SDK1: variants seen among roughly 807,000 people sequenced by gnomAD.
The protein encoded by SDK1 is protein sidekick-1.
A neutral mutation model predicts 245.5 loss-of-function variants in SDK1; 157 were observed. That is an observed-to-expected ratio of 0.64 (90% CI 0.56 to 0.73). The LOEUF (loss-of-function observed/expected upper bound fraction) is 0.73. Ranked by LOEUF, SDK1 falls within the 30% of genes least tolerant of loss-of-function variation. SDK1 has a pLI of 0.00. For missense variants in SDK1, 3,583 were observed against 3,002.3 expected (o/e 1.19, Z -4.52); for synonymous variants, 1,647 against 1,278.5 (o/e 1.29, Z -6.15).
chr7:4,084,456 C>G (rs1781293428), intron 22 of SDK1, among the ~76,000 whole-genome samples: 1 of 152,196 alleles, frequency 6.6e-6, no homozygotes, highest in South Asian at 2.1e-4. Context: ...CTGCCTCAAG[C>G]TGAGATGGAG....
At chr7:3,848,839 T>G (rs967614808) in intron 5 of SDK1, among the ~76,000 whole-genome samples, 2 of 151,944 alleles carry the variant, frequency 1.3e-5, no homozygotes, top group Non-Finnish European at 2.9e-5. Flanking sequence ...GCCTAGCAAA[T>G]TTTTGTATTT....
intron 14 of SDK1, among the ~76,000 whole-genome samples, chr7:3,992,064 GAC>G (rs1784370275): frequency 2.6e-5 from 4 of 152,218 alleles, no homozygotes; most frequent in Admixed American, 2.6e-4. Context: ...CTACTTGGGA[GAC>G]ACTCCACAGC....
intron 5 of SDK1, among the ~76,000 whole-genome samples, chr7:3,906,041 C>A (rs1399205584): frequency 4.6e-5 from 7 of 152,110 alleles, no homozygotes; most frequent in Admixed American, 2.6e-4. Context: ...GCCTTATTTT[C>A]TCTTCCCATT....
intron 4 of SDK1, among the ~76,000 whole-genome samples, chr7:3,654,380 C>T (rs1236920097): frequency 6.6e-6 from 1 of 152,184 alleles, no homozygotes; most frequent in Admixed American, 6.5e-5. Context: ...GATGAGCTCC[C>T]TGTCACCGCG....
At chr7:4,181,707 G>C (rs937449297) in intron 35 of SDK1, among the ~76,000 whole-genome samples, 2 of 152,202 alleles carry the variant, frequency 1.3e-5, no homozygotes, top group East Asian at 3.9e-4. Context: ...TCCCACAGAA[G>C]GGAAAGGAAA....
At chr7:3,379,067 G>C (rs1469842698) in intron 1 of SDK1, among the ~76,000 whole-genome samples, 1 of 152,132 alleles carries the variant, frequency 6.6e-6, no homozygotes, top group Non-Finnish European at 1.5e-5. Flanking sequence ...ATGGGATTAT[G>C]CTGAGCTTCT....
At chr7:3,306,646 G>T (rs1779423845) in intron 1 of SDK1, among the ~76,000 whole-genome samples, 1 of 152,194 alleles carries the variant, frequency 6.6e-6, no homozygotes, top group Non-Finnish European at 1.5e-5. Context: ...GTGGAAGGCT[G>T]CAAGTTAAGT....
chr7:3,504,467 A>C (rs1204499695), intron 1 of SDK1, among the ~76,000 whole-genome samples: 10 of 152,100 alleles, frequency 6.6e-5, no homozygotes, highest in Non-Finnish European at 4.4e-5. Context: ...AGAAAGACAT[A>C]TATGTTGGTG....
intron 1 of SDK1, among the ~76,000 whole-genome samples, chr7:3,322,556 C>G (rs1302887323): frequency 2.0e-5 from 3 of 152,148 alleles, no homozygotes; most frequent in Non-Finnish European, 4.4e-5. Context: ...CCACCAAACT[C>G]TCTCCCACAG....
intron 44 of SDK1, among the ~76,000 whole-genome samples, chr7:4,262,018 C>CTTTTTTTTTT (rs34610558): frequency 5.1e-5 from 3 of 59,254 alleles, no homozygotes; most frequent in African/African-American, 1.9e-4. Flanking sequence ...CTGCTTTCTC[C>CTTTTTTTTTT]TTTTTTTTTT....
intron 28 of SDK1, among the ~76,000 whole-genome samples, chr7:4,141,277 G>T (rs1779568131): frequency 6.6e-6 from 1 of 152,148 alleles, no homozygotes. Flanking sequence ...AGAAAGGAGG[G>T]TCTGTAAGCA....
intron 5 of SDK1, among the ~76,000 whole-genome samples, chr7:3,847,216 C>G (rs182751316): frequency 6.6e-6 from 1 of 152,208 alleles, no homozygotes; most frequent in Admixed American, 6.5e-5. Flanking sequence ...GCCCTGCTGT[C>G]TAGATGCCCC....
At chr7:3,648,849 C>A (rs1395778760) in intron 4 of SDK1, among the ~76,000 whole-genome samples, 2 of 152,170 alleles carry the variant, frequency 1.3e-5, no homozygotes, top group Non-Finnish European at 2.9e-5. Flanking sequence ...GTAATTCTGA[C>A]CTTGGGAAAA....
intron 28 of SDK1, among the ~76,000 whole-genome samples, chr7:4,141,530 A>G (rs1177821322): frequency 6.6e-6 from 1 of 152,234 alleles, no homozygotes; most frequent in East Asian, 1.9e-4. Flanking sequence ...AGACATAGTC[A>G]CTGAAAGGCA....
chr7:3,516,609 C>G (rs1371498290), intron 1 of SDK1, among the ~76,000 whole-genome samples: 1 of 152,040 alleles, frequency 6.6e-6, no homozygotes, highest in East Asian at 1.9e-4. Context: ...TTCTGGTGTG[C>G]TACTAACAGT....
chr7:4,113,185 C>T (rs1179956601), intron 23 of SDK1, 104 bp from the exon 24 acceptor site: 2 of 1,209,470 alleles, frequency 1.7e-6, no homozygotes, highest in South Asian at 2.9e-5. Flanking sequence ...GAGTAGACAC[C>T]TATCTGAGCC....
At chr7:3,467,029 C>CACACACACACACACAGAG (rs1288513856) in intron 1 of SDK1, among the ~76,000 whole-genome samples, 7 of 137,556 alleles carry the variant, frequency 5.1e-5, no homozygotes, top group African/African-American at 1.9e-4. Flanking sequence ...CACACACACA[C>CACACACACACACACAGAG]AGAGATGTAA....
chr7:3,628,632 C>G (rs1001700084), intron 2 of SDK1, among the ~76,000 whole-genome samples: 2 of 152,182 alleles, frequency 1.3e-5, no homozygotes, highest in African/African-American at 2.4e-5. Context: ...GAACTATTGT[C>G]TAATTCTATG....
intron 5 of SDK1, among the ~76,000 whole-genome samples, chr7:3,845,692 C>CTT (rs773625554): frequency 0.014 from 2,026 of 141,770 alleles, 52 homozygotes; most frequent in African/African-American, 0.049. Flanking sequence ...CGTGCTTCTC[C>CTT]TTTTTTTTTT....
Sources: allele counts gnomAD v4.1 joint callset (sites outside exome capture counted in the v4.1 genomes callset), GRCh38; gene constraint gnomAD v4.1.1; transcripts MANE v1.5; gene names NCBI Gene and HGNC (gene_info 2026-07-23, HGNC 2026-07-21).